Variants in SAMSN1 observed in about 807,000 individuals in gnomAD.
SAMSN1 encodes SAM domain-containing protein SAMSN-1.
A neutral mutation model predicts 42.0 loss-of-function variants in SAMSN1; 31 were observed. The ratio of observed to expected loss-of-function variants is 0.74; its 90% CI spans 0.55 to 1.00. The LOEUF (loss-of-function observed/expected upper bound fraction) is 1.00, where lower values mean the gene tolerates loss of function less well. Ranked by LOEUF, SAMSN1 falls within the 50% of genes least tolerant of loss-of-function variation. The probability of loss-of-function intolerance (pLI) is 0.00; values close to 1 mark genes in which losing one functional copy is unlikely to be tolerated. For missense variants in SAMSN1, 464 were observed against 439.4 expected (o/e 1.06, Z -0.50); for synonymous variants, 178 against 151.9 (o/e 1.17, Z -1.26).
intron 1 of SAMSN1, among the ~76,000 whole-genome samples, chr21:14,535,566 TTGTAC>T (rs1979553013): frequency 6.6e-6 from 1 of 152,180 alleles, no homozygotes; most frequent in Non-Finnish European, 1.5e-5. Context: ...CCCTAACACC[TTGTAC>T]CTCAGACCAT....
rs374316338 is a variant in SAMSN1 at position 14,557,465 on chromosome 21, A to G, written c.261+24671T>C. 5.4e-4 allele frequency among the ~76,000 whole-genome samples: 82 copies of G among 152,312 alleles called. 8 individuals are homozygous for G. Among genetic ancestry groups the G allele is most frequent in the South Asian group, 1.5e-3 (7 of 4,814 alleles). Reference sequence around the variant, plus strand: ...CCCATACTTCTTCTAGGACGTGGTCATAGTGTGACCCAGGTTCCTGGGAAC... The same window carrying G: ...CCCATACTTCTTCTAGGACGTGGTCGTAGTGTGACCCAGGTTCCTGGGAAC... On this transcript the variant is annotated intron_variant, in intron 2 of 8. Coordinates refer to the SAMSN1 transcript ENST00000285670.
At chr21:14,621,611 A>G (rs1444464471) in intron 2 of SAMSN1, among the ~76,000 whole-genome samples, 2 of 36,554 alleles carry the variant, frequency 5.5e-5, no homozygotes, top group Non-Finnish European at 1.3e-4. Context: ...TTGAGTAGAT[A>G]AACAAAGTGG....
At chr21:14,523,902 A>G (rs540795714) in intron 1 of SAMSN1, among the ~76,000 whole-genome samples, 1 of 152,332 alleles carries the variant, frequency 6.6e-6, no homozygotes, top group East Asian at 1.9e-4. Context: ...TCGTGGTTTA[A>G]GAAGGACACT....
At chr21:14,619,657 A>T (rs1348502428) in intron 2 of SAMSN1, 2 of 323,932 alleles carry the variant, frequency 6.2e-6, no homozygotes, top group South Asian at 5.4e-5. Flanking sequence ...CCTATCACAA[A>T]GTTCATGGCT....
intron 2 of SAMSN1, among the ~76,000 whole-genome samples, chr21:14,518,176 A>G (rs1226532847): frequency 2.6e-5 from 4 of 152,242 alleles, no homozygotes; most frequent in Non-Finnish European, 5.9e-5. Flanking sequence ...CACATGTCAT[A>G]TAATAGGAGA....
chr21:14,548,197 A>G (rs1980488176), upstream of SAMSN1, among the ~76,000 whole-genome samples: 1 of 152,212 alleles, frequency 6.6e-6, no homozygotes, highest in Non-Finnish European at 1.5e-5. Context: ...TCAATCAGTA[A>G]TAAAATGGCA....
intron 1 of SAMSN1, among the ~76,000 whole-genome samples, chr21:14,530,282 G>A (rs1028390489): frequency 9.3e-4 from 125 of 134,942 alleles, no homozygotes; most frequent in Non-Finnish European, 1.6e-3. Flanking sequence ...GAGCCAATGC[G>A]CTCCAGCCTG....
intron 2 of SAMSN1, among the ~76,000 whole-genome samples, chr21:14,620,419 CT>C (rs780316102): frequency 1.3e-5 from 2 of 152,148 alleles, no homozygotes; most frequent in Non-Finnish European, 2.9e-5. Flanking sequence ...CCTACTTCCC[CT>C]TCTGTCATGA....
chr21:14,564,559 C>T (rs1188062152), intron 2 of SAMSN1, among the ~76,000 whole-genome samples: 1 of 152,138 alleles, frequency 6.6e-6, no homozygotes, highest in Admixed American at 6.5e-5. Context: ...ACCACACAGC[C>T]AAACCTGTCA....
intron 2 of SAMSN1, among the ~76,000 whole-genome samples, chr21:14,616,721 G>A (rs1446689142): frequency 6.6e-6 from 1 of 152,116 alleles, no homozygotes; most frequent in Admixed American, 6.5e-5. Context: ...AAAGGCAACC[G>A]ATTGTGTTCT....
At chr21:14,548,482 T>A (rs1360391729), upstream of SAMSN1, among the ~76,000 whole-genome samples, 1 of 152,188 alleles carries the variant, frequency 6.6e-6, no homozygotes, top group African/African-American at 2.4e-5. Flanking sequence ...AAAAGCGTTA[T>A]ACTCAAGCAA....
intron 2 of SAMSN1, among the ~76,000 whole-genome samples, chr21:14,621,670 C>G (rs1041836672): frequency 2.0e-5 from 3 of 152,220 alleles, no homozygotes; most frequent in Non-Finnish European, 4.4e-5. Flanking sequence ...AGGAGGCCTG[C>G]CTGCCTCTGT....
At chr21:14,583,457 C>G, upstream of SAMSN1, 2 of 522,726 alleles carry the variant, frequency 3.8e-6, no homozygotes, top group South Asian at 4.7e-5. Context: ...CAAGGAGAAA[C>G]GGGGCGGTGC....
At chr21:14,616,098 T>C in intron 2 of SAMSN1, 1 of 427,462 alleles carries the variant, frequency 2.3e-6, no homozygotes, top group Non-Finnish European at 4.3e-6. Context: ...TGAAAGAGAA[T>C]TCATTCATTT....
rs956938150 is a variant in SAMSN1, at chr21:14,645,240, C to G, written c.25-2107G>C. ...GTGTTGTGCTGGCTTCAGGTCTGAC[C>G]CAGCACAGTCACAGCAGTGGTAGCC... On this transcript the variant is annotated intron_variant, in intron 1 of 15. Transcript: ENST00000647101. Among the ~76,000 whole-genome samples, 3 of 152,316 alleles carry G rather than the reference C, an allele frequency of 2.0e-5. No individual in the cohort carries two copies. In the South Asian group the frequency reaches 6.2e-4, roughly 32 times the overall value.
intron 7 of SAMSN1, among the ~76,000 whole-genome samples, chr21:14,490,916 G>A (rs549628713): frequency 1.3e-5 from 2 of 152,132 alleles, no homozygotes; most frequent in Non-Finnish European, 2.9e-5. Context: ...ACTCACTCAA[G>A]ATCACGATAA....
chr21:14,541,183 T>G (rs1303011906), intron 1 of SAMSN1, among the ~76,000 whole-genome samples: 2 of 151,768 alleles, frequency 1.3e-5, no homozygotes, highest in African/African-American at 2.4e-5. Flanking sequence ...CTAATGTAAA[T>G]GACGAGTTAA....
At chr21:14,538,018 G>T (rs1979743286) in intron 1 of SAMSN1, among the ~76,000 whole-genome samples, 1 of 151,860 alleles carries the variant, frequency 6.6e-6, no homozygotes. Context: ...TGTCTTATTT[G>T]GTTTTATGTT....
At chr21:14,595,117 T>A (rs1213490889) in intron 6 of SAMSN1, among the ~76,000 whole-genome samples, 1 of 152,146 alleles carries the variant, frequency 6.6e-6, no homozygotes, top group African/African-American at 2.4e-5. Context: ...GGGTTAATGC[T>A]AAACCATTCA....
Sources: gnomAD v4.1 joint callset for allele counts (sites outside exome capture counted in the v4.1 genomes callset) on GRCh38, gnomAD v4.1.1 for gene constraint, MANE v1.5 for transcripts, NCBI Gene and HGNC (gene_info 2026-07-23, HGNC 2026-07-21) for gene names.